SLC9C1: variants seen among roughly 807,000 people sequenced by gnomAD.
SLC9C1 encodes solute carrier family 9 member C1, also known as sodium/hydrogen exchanger 10.
A neutral mutation model predicts 140.9 loss-of-function variants in SLC9C1; 97 were observed. The ratio of observed to expected loss-of-function variants is 0.69; its 90% CI spans 0.58 to 0.82. The LOEUF is 0.82. SLC9C1 is among the 40% of genes least tolerant of loss of function. The pLI is 0.00. For synonymous variants in SLC9C1, 440 were observed against 442.6 expected (o/e 0.99, Z 0.07); for missense variants, 1,340 against 1,389.3 (o/e 0.96, Z 0.56).
At chr3:112,255,685 C>T (rs2079585080) in intron 10 of SLC9C1, among the ~76,000 whole-genome samples, 1 of 152,064 alleles carries the variant, frequency 6.6e-6, no homozygotes, top group African/African-American at 2.4e-5. Flanking sequence ...GAAGCAAGAG[C>T]AAACCAGTCC....
chr3:112,253,766 T>C (rs555908825), intron 10 of SLC9C1, among the ~76,000 whole-genome samples: 58 of 152,280 alleles, frequency 3.8e-4, no homozygotes, highest in Middle Eastern at 3.4e-3. Context: ...CATGGGTTCT[T>C]AACCAGGGTG....
At chr3:112,281,268 A>C (rs1034890825) in intron 2 of SLC9C1, among the ~76,000 whole-genome samples, 2 of 152,184 alleles carry the variant, frequency 1.3e-5, no homozygotes, top group Non-Finnish European at 2.9e-5. Flanking sequence ...ACAATCCGAC[A>C]CCATCGCCCT....
In SLC9C1 at chr3:112,276,171, T is replaced by C. The variant is rs560541035; in HGVS notation, c.485-1146A>G. On this transcript the variant is annotated intron_variant, in intron 5 of 28. Transcript: ENST00000305815. ...GTTGTTTAAGCCACCACATTTGGAG[T>C]TGTTTATTACTCAGCAAAACCTAAC... Among the ~76,000 whole-genome samples the C allele has an allele frequency of 3.3e-5, 5 of 152,226 alleles. No homozygotes were observed. In the East Asian group the frequency reaches 9.6e-4, roughly 29 times the overall value.
At chr3:112,231,892 G>A (rs777322262) in intron 12 of SLC9C1, among the ~76,000 whole-genome samples, 1 of 152,048 alleles carries the variant, frequency 6.6e-6, no homozygotes, top group Non-Finnish European at 1.5e-5. Context: ...AGGAGTGGGC[G>A]TCAATCTGTG....
intron 26 of SLC9C1, among the ~76,000 whole-genome samples, chr3:112,157,764 T>A (rs1576224101): frequency 1.4e-4 from 1 of 7,140 alleles, no homozygotes; most frequent in African/African-American, 1.7e-4. Flanking sequence ...TTCCTAGGTA[T>A]TTTTTTTTTT....
At chr3:112,221,283 C>A in intron 13 of SLC9C1, 58 bp from the exon 14 acceptor site, 1 of 1,410,284 alleles carries the variant, frequency 7.1e-7, no homozygotes, top group Non-Finnish European at 9.9e-7. Context: ...CAACTTATTA[C>A]AATCTTGATG....
intron 13 of SLC9C1, among the ~76,000 whole-genome samples, chr3:112,224,312 G>T (rs1560090666): frequency 6.6e-6 from 1 of 152,130 alleles, no homozygotes; most frequent in East Asian, 1.9e-4. Context: ...CATATCTGCA[G>T]GTGAGTCTTT....
chr3:112,250,762 CA>C (rs1253869019), intron 10 of SLC9C1, among the ~76,000 whole-genome samples: 1 of 152,004 alleles, frequency 6.6e-6, no homozygotes, highest in East Asian at 1.9e-4. Flanking sequence ...GGCAAGTTTG[CA>C]GAGAAAAAGG....
intron 25 of SLC9C1, among the ~76,000 whole-genome samples, chr3:112,167,583 T>TA (rs2077163359): frequency 6.6e-6 from 1 of 152,024 alleles, no homozygotes; most frequent in Admixed American, 6.5e-5. Context: ...ATGAAAAAAA[T>TA]GATTAAGAAT....
rs1397633262 is a variant in SLC9C1, at chr3:112,289,877, C to T, written c.-87-2999G>A. Among the ~76,000 whole-genome samples, 3 of 152,280 alleles carry T rather than the reference C, an allele frequency of 2.0e-5. No homozygotes were observed. In the East Asian group the frequency reaches 5.8e-4, roughly 29 times the overall value. On this transcript the variant is annotated intron_variant, in intron 1 of 28. Transcript: ENST00000305815. ...ATGTCTCTTAACAGACATTCTCAAC[C>T]TTGGCCACACATGGAATCACGTGGC...
chr3:112,232,316 C>T (rs1254646052), intron 12 of SLC9C1, among the ~76,000 whole-genome samples: 2 of 152,150 alleles, frequency 1.3e-5, no homozygotes, highest in African/African-American at 4.8e-5. Context: ...CTCAGACCAC[C>T]TGCATAAAAA....
At chr3:112,260,012 C>G (rs2079728151) in intron 10 of SLC9C1, among the ~76,000 whole-genome samples, 2 of 151,972 alleles carry the variant, frequency 1.3e-5, no homozygotes, top group Non-Finnish European at 2.9e-5. Flanking sequence ...TCAATTGGAT[C>G]CTATTTGTCA....
chr3:112,223,204 G>A (rs557073191), intron 13 of SLC9C1, among the ~76,000 whole-genome samples: 6 of 152,164 alleles, frequency 3.9e-5, no homozygotes, highest in Non-Finnish European at 8.8e-5. Context: ...AGGGCATGGT[G>A]GTGTCCCTCT....
intron 28 of SLC9C1, among the ~76,000 whole-genome samples, chr3:112,146,821 TC>T (rs1484404121): frequency 2.6e-5 from 4 of 152,116 alleles, no homozygotes; most frequent in Non-Finnish European, 5.9e-5. Context: ...GTCTATTAGG[TC>T]CAAGTGTTGA....
At chr3:112,156,466 T>C (rs764782840) in intron 26 of SLC9C1, among the ~76,000 whole-genome samples, 1 of 152,138 alleles carries the variant, frequency 6.6e-6, no homozygotes, top group Non-Finnish European at 1.5e-5. Flanking sequence ...TTATGAACAG[T>C]GCTGCAATAA....
intron 1 of SLC9C1, among the ~76,000 whole-genome samples, chr3:112,291,507 G>GA (rs971488197): frequency 2.0e-5 from 3 of 150,694 alleles, no homozygotes; most frequent in African/African-American, 7.3e-5. Flanking sequence ...ACAAGCATAT[G>GA]AAAAAAAAAG....
chr3:112,152,229 G>A (rs2075005156), intron 27 of SLC9C1, among the ~76,000 whole-genome samples: 1 of 152,132 alleles, frequency 6.6e-6, no homozygotes, highest in Non-Finnish European at 1.5e-5. Context: ...GGATGTGGCA[G>A]GACTATAGGG....
At chr3:112,241,878 C>T (rs77163809) in intron 11 of SLC9C1, among the ~76,000 whole-genome samples, 6,122 of 152,128 alleles carry the variant, frequency 0.04, 189 homozygotes, top group South Asian at 0.089. Context: ...AATGGTGCTG[C>T]GATAACTGGC....
At chr3:112,183,326 G>A (rs565606026) in intron 20 of SLC9C1, among the ~76,000 whole-genome samples, 42 of 103,116 alleles carry the variant, frequency 4.1e-4, no homozygotes, top group African/African-American at 1.6e-3. Context: ...TCAAGCTTAC[G>A]ACAATGATAT....
Sources: gnomAD v4.1 joint callset for allele counts (sites outside exome capture counted in the v4.1 genomes callset) on GRCh38, gnomAD v4.1.1 for gene constraint, MANE v1.5 for transcripts, NCBI Gene and HGNC (gene_info 2026-07-23, HGNC 2026-07-21) for gene names.